NUP210: variants seen among roughly 807,000 people sequenced by gnomAD.
The protein encoded by NUP210 is nuclear pore membrane glycoprotein 210.
Under a neutral mutation model 196.0 loss-of-function variants are expected in NUP210, and 151 were observed. The ratio of observed to expected loss-of-function variants is 0.77; its 90% CI spans 0.67 to 0.88. The LOEUF (loss-of-function observed/expected upper bound fraction) is 0.88. NUP210 is among the 40% of genes least tolerant of loss of function. The pLI, the probability that NUP210 is intolerant of heterozygous loss-of-function variation, is 0.00. For missense variants in NUP210, 2,314 were observed against 2,493.7 expected (o/e 0.93, Z 1.53); for synonymous variants, 1,070 against 1,052.7 (o/e 1.02, Z -0.32).
intron 1 of NUP210, among the ~76,000 whole-genome samples, chr3:13,411,088 T>C (rs1404682211): frequency 6.6e-6 from 1 of 151,410 alleles, no homozygotes; most frequent in East Asian, 1.9e-4. Context: ...AAAAATTAGC[T>C]GGGCGTGGTG....
chr3:13,360,966 T>C (rs1698350361), intron 14 of NUP210, among the ~76,000 whole-genome samples: 1 of 152,220 alleles, frequency 6.6e-6, no homozygotes, highest in Non-Finnish European at 1.5e-5. Flanking sequence ...TGGAACCTTA[T>C]GCGGGCCCCC....
At chr3:13,374,815 G>A (rs1288209316) in intron 11 of NUP210, among the ~76,000 whole-genome samples, 2 of 152,206 alleles carry the variant, frequency 1.3e-5, no homozygotes, top group African/African-American at 2.4e-5. Flanking sequence ...GGATGGTGAC[G>A]CACCTGAGCA....
rs1292276415 is a variant in NUP210, at chr3:13,363,142, G to A, written c.1933-2651C>T. Among the ~76,000 whole-genome samples, 4 of 152,308 alleles carry A rather than the reference G, an allele frequency of 2.6e-5. No individual in the cohort carries two copies. The East Asian group carries it at 7.7e-4, about 29-fold the overall frequency. ...GGGCTGGAATGAAAGACCTGAATAT[G>A]TGACTAGCACACGCTCAATCAATGG... On this transcript the variant is annotated intron_variant, in intron 14 of 39. Coordinates refer to ENST00000254508, the MANE Select transcript of NUP210 (RefSeq NM_024923.4).
At chr3:13,366,864 C>T (rs1698557323) in intron 13 of NUP210, among the ~76,000 whole-genome samples, 1 of 151,940 alleles carries the variant, frequency 6.6e-6, no homozygotes, top group South Asian at 2.1e-4. Context: ...GTGGCTCACG[C>T]CTGTAATCCC....
chr3:13,381,949 C>T (rs964560051), intron 6 of NUP210, among the ~76,000 whole-genome samples: 7 of 152,124 alleles, frequency 4.6e-5, no homozygotes, highest in Non-Finnish European at 1.0e-4. Flanking sequence ...AGCTCACTCC[C>T]TGCCTCTGAC....
chr3:13,373,647 CT>C, intron 12 of NUP210, 70 bp downstream of exon 12: 1 of 1,538,402 alleles, frequency 6.5e-7, no homozygotes, highest in Non-Finnish European at 9.0e-7. Flanking sequence ...GAAGTCGAGG[CT>C]TGCTCAGAGG....
In NUP210 at chr3:13,340,312, C is replaced by T. The variant is rs1464119966; in HGVS notation, c.3229-14G>A. ...CGGGGGAAAGACCTGTTGAGAGACA[C>T]AGGAGAGAAAGGACTACTGTGCCCC... On this transcript the variant is annotated splice_polypyrimidine_tract_variant and intron_variant, in intron 23 of 39. Transcript: ENST00000254508. This position sits in a 1 kb window ranked among gnomAD's most constrained non-coding sequence, Gnocchi z 4.0. 1 of 1,612,862 alleles carries T rather than the reference C, an allele frequency of 6.2e-7. No individual in the cohort carries two copies. Among genetic ancestry groups the T allele is most frequent in the East Asian group, 2.2e-5 (1 of 44,862 alleles).
At position 13,379,776 on chromosome 3, in the gene NUP210, G is replaced by A; in HGVS notation, c.818-55C>T. 3 of 1,483,460 alleles carry A rather than the reference G, an allele frequency of 2.0e-6. No homozygotes were observed. Among genetic ancestry groups the A allele is most frequent in the East Asian group, 2.3e-5 (1 of 43,120 alleles). 91.9% of individuals were successfully genotyped at this position (1,483,460 alleles called of 1,614,324 possible). On this transcript the variant is annotated intron_variant, in intron 6 of 39. Coordinates refer to ENST00000254508, the MANE Select transcript of NUP210 (RefSeq NM_024923.4). The surrounding 1 kb of genome is among the most constrained non-coding windows in gnomAD (Gnocchi z 4.2). Reference sequence around the variant, plus strand: ...GAAAGAGAGAGCAAAGACAGGAAATGTTAGAAGCCAATACACTCCCACTGC... The same window carrying A: ...GAAAGAGAGAGCAAAGACAGGAAATATTAGAAGCCAATACACTCCCACTGC...
At chr3:13,351,854 G>A (rs1697985081) in intron 20 of NUP210, 25 bp downstream of exon 20, 10 of 1,491,772 alleles carry the variant, frequency 6.7e-6, no homozygotes, top group South Asian at 3.4e-5. Flanking sequence ...AAAACCAACA[G>A]TGGGGACCGA....
intron 1 of NUP210, among the ~76,000 whole-genome samples, chr3:13,404,130 C>A (rs73024193): frequency 6.6e-6 from 1 of 152,214 alleles, no homozygotes; most frequent in African/African-American, 2.4e-5. Context: ...TTTGAGCCCA[C>A]CCATAGCTTT....
chr3:13,412,080 C>A (rs7620268), intron 1 of NUP210, among the ~76,000 whole-genome samples: 34,089 of 150,232 alleles, frequency 0.23, 6,113 homozygotes, highest in African/African-American at 0.5. Flanking sequence ...AATAGACAGG[C>A]TCTCACTCTG....
At position 13,340,125 on chromosome 3, in the gene NUP210, G is replaced by A; in HGVS notation, c.3292-92C>T. 2 of 1,601,412 alleles carry A rather than the reference G, an allele frequency of 1.2e-6. No individual in the cohort carries two copies. The highest frequency in any genetic ancestry group is 8.5e-7 in the Non-Finnish European group (1 of 1,171,658). On this transcript the variant is annotated intron_variant, in intron 24 of 39. Coordinates refer to ENST00000254508, the MANE Select transcript of NUP210 (RefSeq NM_024923.4). The surrounding 1 kb of genome is among the most constrained non-coding windows in gnomAD (Gnocchi z 4.0). ...GAGAGCCAGGGCCCCAGTGCAGGCA[G>A]CTTCTGCCTTCTTCTCCCAGTCACT... is the stretch of plus-strand genomic sequence containing the variant.
At chr3:13,334,466 C>T (rs572653902) in intron 28 of NUP210, among the ~76,000 whole-genome samples, 29 of 152,014 alleles carry the variant, frequency 1.9e-4, no homozygotes, top group Non-Finnish European at 3.8e-4. Context: ...GTTGGCAGAT[C>T]GGTGGGGGTT....
intron 25 of NUP210, among the ~76,000 whole-genome samples, chr3:13,339,296 A>G (rs569845584): frequency 6.6e-6 from 1 of 152,274 alleles, no homozygotes; most frequent in South Asian, 2.1e-4. Context: ...CCTAGTTCTC[A>G]TGAGGAATGG....
At chr3:13,351,725 T>G in intron 20 of NUP210, 154 bp downstream of exon 20, 1 of 610,332 alleles carries the variant, frequency 1.6e-6, no homozygotes. Context: ...CTTGAACTCC[T>G]GGGCTCAAGT....
chr3:13,345,637 C>T (rs1697692282), intron 20 of NUP210, among the ~76,000 whole-genome samples: 1 of 152,216 alleles, frequency 6.6e-6, no homozygotes, highest in Admixed American at 6.5e-5. Flanking sequence ...GGTTATTCCA[C>T]ACAATGACTT....
chr3:13,337,058 A>T, intron 26 of NUP210, 140 bp from the exon 27 acceptor site: 1 of 1,038,674 alleles, frequency 9.6e-7, no homozygotes, highest in Non-Finnish European at 1.4e-6. Flanking sequence ...CAGGTTTGGG[A>T]ATTTTGATGA....
At chr3:13,384,961 T>C (rs941623679) in intron 6 of NUP210, among the ~76,000 whole-genome samples, 1 of 152,206 alleles carries the variant, frequency 6.6e-6, no homozygotes, top group Non-Finnish European at 1.5e-5. Flanking sequence ...CAAATCCTAC[T>C]GCAGGCCATC....
rs376533642 is a variant in NUP210, at chr3:13,420,034, C to T, written c.167+26G>A. The stretch of plus-strand genomic sequence containing the variant: ...GAAGGCCCAGCCCGGCCCACGGCGC[C>T]CGCCCGGCCCGGCCGCGCGCCTCAC... On this transcript the variant is annotated intron_variant, in intron 1 of 39. Coordinates refer to ENST00000254508, the MANE Select transcript of NUP210 (RefSeq NM_024923.4). This position sits in a 1 kb window ranked among gnomAD's most constrained non-coding sequence, Gnocchi z 4.8. 4.9e-4 allele frequency: 592 copies of T among 1,200,022 alleles called. 10 individuals are homozygous for T. In the East Asian group the frequency reaches 0.023, roughly 46 times the overall value. 74.3% of individuals were successfully genotyped at this position (1,200,022 alleles called of 1,614,324 possible).
Sources: allele counts gnomAD v4.1 joint callset (sites outside exome capture counted in the v4.1 genomes callset), GRCh38; gene constraint gnomAD v4.1.1; non-coding constraint Gnocchi (gnomAD v3.1); transcripts MANE v1.5; gene names NCBI Gene and HGNC (gene_info 2026-07-23, HGNC 2026-07-21).